The following MAP2K4 variants were observed in gnomAD, a reference collection of about 807,000 sequenced individuals.
MAP2K4 encodes mitogen-activated protein kinase kinase 4.
MAP2K4 carries 4 observed loss-of-function variants against 48.5 expected under a neutral mutation model. That is an observed-to-expected ratio of 0.08 (90% CI 0.04 to 0.19). The LOEUF is 0.19. MAP2K4 is among the 10% of genes least tolerant of loss of function. MAP2K4 has a pLI of 1.00. For missense variants in MAP2K4, 258 were observed against 493.3 expected, an observed-to-expected ratio of 0.52 and a Z score of 4.52; for synonymous variants, 166 against 173.1, an observed-to-expected ratio of 0.96 and a Z score of 0.32.
At chr17:12,021,615 G>A (rs1173225977) in intron 1 of MAP2K4, 1 of 139,606 alleles carries the variant, frequency 7.2e-6, no homozygotes. Context: ...TGGAAGGGAT[G>A]GGGGTGGGGG....
intron 7 of MAP2K4, chr17:12,124,866 G>A (rs1972804774): frequency 6.2e-6 from 1 of 160,912 alleles, no homozygotes; most frequent in Non-Finnish European, 1.4e-5. Flanking sequence ...TAGTAGAGAT[G>A]GGGTTTCACC....
chr17:12,112,608 A>G (rs1239245302), intron 6 of MAP2K4, among the ~76,000 whole-genome samples: 1 of 151,888 alleles, frequency 6.6e-6, no homozygotes, highest in South Asian at 2.1e-4. Flanking sequence ...TCTGCATCCT[A>G]TATTTTAAAA....
chr17:12,076,228 C>T (rs1353997392), intron 2 of MAP2K4, among the ~76,000 whole-genome samples: 1 of 149,390 alleles, frequency 6.7e-6, no homozygotes, highest in Non-Finnish European at 1.5e-5. Context: ...AGAAATACAG[C>T]TTTTCTCAGT....
intron 1 of MAP2K4, among the ~76,000 whole-genome samples, chr17:12,027,139 T>C (rs776010792): frequency 2.6e-5 from 4 of 152,192 alleles, no homozygotes; most frequent in Non-Finnish European, 5.9e-5. Flanking sequence ...TCTTCAGGTG[T>C]CTCTTCATGC....
intron 1 of MAP2K4, among the ~76,000 whole-genome samples, chr17:12,049,106 A>G (rs1488265002): frequency 6.6e-6 from 1 of 152,228 alleles, no homozygotes; most frequent in Non-Finnish European, 1.5e-5. Context: ...CATAGTTGGA[A>G]TTGTGGGTTA....
At chr17:12,069,896 T>C (rs772744724) in intron 2 of MAP2K4, 259 of 3,534 alleles carry the variant, frequency 0.073, 2 homozygotes, top group South Asian at 0.27. Flanking sequence ...TAGTCATATA[T>C]ATATATATAT....
chr17:12,075,449 AAAC>A lies in MAP2K4; in HGVS notation c.219-5901_219-5899del, dbSNP rs1433071251. Among the ~76,000 whole-genome samples, 5 of 152,366 alleles carry A rather than the reference AAAC, an allele frequency of 3.3e-5. No individual in the cohort carries two copies. The South Asian group carries it at 1.0e-3, about 32-fold the overall frequency. On this transcript the variant is annotated intron_variant, in intron 2 of 10. Coordinates refer to ENST00000353533, the MANE Select transcript of MAP2K4 (RefSeq NM_003010.4). ...TAAATTCATAAACACAAGGGAAGGT[AAAC>A]AACAAACTGGGAAAATATTTGCAAT...
chr17:12,021,115 G>A (rs1969022124), intron 1 of MAP2K4, 114 bp downstream of exon 1: 1 of 549,468 alleles, frequency 1.8e-6, no homozygotes. Flanking sequence ...GGCAGCCGCC[G>A]GCTTCTCCCT....
chr17:12,090,491 T>C (rs1971525745), intron 3 of MAP2K4, among the ~76,000 whole-genome samples: 1 of 152,200 alleles, frequency 6.6e-6, no homozygotes, highest in South Asian at 2.1e-4. Flanking sequence ...GGTGACCTGC[T>C]TCTTAGGAAC....
In MAP2K4 at chr17:12,112,307, A is replaced by G. The variant is rs534814679; in HGVS notation, c.686-926A>G. Among the ~76,000 whole-genome samples the G allele has an allele frequency of 4.4e-3, 671 of 152,150 alleles. 1 individual carries two copies. The highest frequency in any genetic ancestry group is 7.1e-3 in the Non-Finnish European group (481 of 67,978). On this transcript the variant is annotated intron_variant, in intron 6 of 10. Transcript: ENST00000353533. ...GTGAAACCCCATCTCTACTAAAAAT[A>G]CAAAAATTAGCCAGGTGTGGTGGCG...
intron 4 of MAP2K4, among the ~76,000 whole-genome samples, chr17:12,104,669 T>A (rs185107360): frequency 4.7e-4 from 72 of 152,258 alleles, no homozygotes; most frequent in African/African-American, 1.7e-3. Flanking sequence ...TTTCTTTACA[T>A]CCAAATAGAT....
intron 2 of MAP2K4, among the ~76,000 whole-genome samples, chr17:12,073,254 CTG>C (rs1970878273): frequency 6.6e-6 from 1 of 152,094 alleles, no homozygotes; most frequent in Non-Finnish European, 1.5e-5. Context: ...CAGAAAAAAA[CTG>C]GGGAGAGATG....
intron 1 of MAP2K4, among the ~76,000 whole-genome samples, chr17:12,044,878 C>T (rs1461804433): frequency 6.6e-6 from 1 of 152,242 alleles, no homozygotes; most frequent in East Asian, 1.9e-4. Flanking sequence ...TTCTGGTCAC[C>T]AGCCCTCATC....
intron 3 of MAP2K4, among the ~76,000 whole-genome samples, chr17:12,090,588 T>A (rs527868437): frequency 6.6e-6 from 1 of 152,276 alleles, no homozygotes; most frequent in East Asian, 1.9e-4. Context: ...CACACTTGAG[T>A]CTTCCTAACC....
At position 12,142,989 on chromosome 17, in the gene MAP2K4, T is replaced by C. The variant is rs568748222; in HGVS notation, c.*1729T>C. The C allele has an allele frequency of 2.1e-5, 5 of 232,982 alleles. No individual in the cohort carries two copies. The highest frequency in any genetic ancestry group is 1.1e-4 in the African/African-American group (5 of 45,456). The allele number at this position is 232,982 out of a possible 1,614,324, so 14.4% of individuals were successfully genotyped here. A position where few individuals can be genotyped will look rare whatever the true frequency, so the allele number is the denominator to read the frequency against. ...ATACTGTCAAACAATAAAGGGAGAATGGTGCTGTTTAAAGTCACATCCCTG... is the reference window on the plus strand; with the variant it reads ...ATACTGTCAAACAATAAAGGGAGAACGGTGCTGTTTAAAGTCACATCCCTG... On this transcript the variant is annotated 3_prime_UTR_variant, in exon 11 of 11. Coordinates refer to ENST00000353533, the MANE Select transcript of MAP2K4 (RefSeq NM_003010.4).
rs770850121 is a variant in MAP2K4 at position 12,113,190 on chromosome 17, G to A, written c.686-43G>A. The A allele has an allele frequency of 1.9e-6, 3 of 1,582,140 alleles. No homozygotes were observed. In the South Asian group the frequency reaches 3.4e-5, roughly 18 times the overall value. Reference sequence around the variant, plus strand: ...TTAAAGTGAAGCCTTATGTAACTTAGGAAGAAGCTAATTGTATACTGAATG... The same window carrying A: ...TTAAAGTGAAGCCTTATGTAACTTAAGAAGAAGCTAATTGTATACTGAATG... On this transcript the variant is annotated intron_variant, in intron 6 of 10. Coordinates refer to ENST00000353533, the MANE Select transcript of MAP2K4 (RefSeq NM_003010.4).
intron 7 of MAP2K4, among the ~76,000 whole-genome samples, chr17:12,119,867 T>C (rs1972627005): frequency 1.3e-5 from 2 of 152,352 alleles, no homozygotes; most frequent in South Asian, 4.1e-4. Context: ...CTGTAGGCCA[T>C]CCATTAATAT....
chr17:12,122,115 T>C (rs901570440), intron 7 of MAP2K4, among the ~76,000 whole-genome samples: 1 of 152,252 alleles, frequency 6.6e-6, no homozygotes, highest in Non-Finnish European at 1.5e-5. Flanking sequence ...GCCTTTCCTT[T>C]TGTTCTTAAG....
chr17:12,091,325 C>T (rs1308604116), intron 3 of MAP2K4, among the ~76,000 whole-genome samples: 1 of 152,178 alleles, frequency 6.6e-6, no homozygotes, highest in East Asian at 1.9e-4. Context: ...GAATTTGGGA[C>T]ATTTCTATAT....
Sources: gnomAD v4.1 joint callset for allele counts (sites outside exome capture counted in the v4.1 genomes callset) on GRCh38, gnomAD v4.1.1 for gene constraint, MANE v1.5 for transcripts, NCBI Gene and HGNC (gene_info 2026-07-23, HGNC 2026-07-21) for gene names.